Variants in PSMG2 observed in about 807,000 individuals in gnomAD.
The protein encoded by PSMG2 is CD40 ligand-activated specific transcript 3.
In PSMG2, 21 loss-of-function variants were observed where a neutral mutation model predicts 31.5. The observed-to-expected ratio is 0.67, with a 90% CI of 0.47 to 0.96. The LOEUF (loss-of-function observed/expected upper bound fraction) is 0.96, where lower values mean the gene tolerates loss of function less well. PSMG2 is among the 40% of genes least tolerant of loss of function. The probability of loss-of-function intolerance (pLI) is 0.00; values close to 1 mark genes in which losing one functional copy is unlikely to be tolerated. For missense variants in PSMG2, 318 were observed against 321.2 expected (o/e 0.99, Z 0.08); for synonymous variants, 120 against 110.4 (o/e 1.09, Z -0.54).
At chr18:12,658,777 A>T in intron 1 of PSMG2, 1 of 335,390 alleles carries the variant, frequency 3.0e-6, no homozygotes, top group South Asian at 2.2e-5. Context: ...CTTCAGGGTA[A>T]GCACCGTAAA....
chr18:12,680,252 G>A lies in PSMG2; in HGVS notation c.-37+21479G>A, dbSNP rs558515981. Among the ~76,000 whole-genome samples, 11 of 152,020 alleles carry A rather than the reference G, an allele frequency of 7.2e-5. No homozygotes were observed. The South Asian group carries it at 2.3e-3, about 32-fold the overall frequency. On this transcript the variant is annotated intron_variant, in intron 1 of 6. Coordinates refer to the PSMG2 transcript ENST00000585331. ...AGGCTCTAACTAAAATCATCAACAC[G>A]TACCTTCAAGTACCATCAATATGGA...
At chr18:12,678,575 T>C (rs1046697939) in intron 1 of PSMG2, 8 of 609,650 alleles carry the variant, frequency 1.3e-5, no homozygotes, top group Non-Finnish European at 2.2e-5. Flanking sequence ...TTTTTCTTTT[T>C]TATATTTCCA....
intron 1 of PSMG2, among the ~76,000 whole-genome samples, chr18:12,664,858 C>T (rs2038772835): frequency 6.6e-6 from 1 of 150,960 alleles, no homozygotes; most frequent in South Asian, 2.1e-4. Flanking sequence ...GTCACCATGC[C>T]CAGCTAACTT....
At chr18:12,701,695 G>A (rs370763802), upstream of PSMG2, among the ~76,000 whole-genome samples, 87 of 152,222 alleles carry the variant, frequency 5.7e-4, no homozygotes, top group African/African-American at 1.8e-3. Context: ...AGAAACTGGA[G>A]GTTCTTCTGG....
At chr18:12,694,419 T>C (rs2039876739) in intron 1 of PSMG2, among the ~76,000 whole-genome samples, 1 of 152,022 alleles carries the variant, frequency 6.6e-6, no homozygotes, top group Non-Finnish European at 1.5e-5. Context: ...AACTAAAGAC[T>C]GGCAAGAACT....
Position 12,725,535 on chromosome 18 carries a change from A to G in PSMG2, c.*4A>G. 1.9e-6 allele frequency: 3 copies of G among 1,571,950 alleles called. No individual in the cohort carries two copies. Among genetic ancestry groups the G allele is most frequent in the Non-Finnish European group, 2.6e-6 (3 of 1,143,118 alleles). ...TCTTCCCCCTGCACTTTTCTGATCT[A>G]ATTTCTGTTTTATACCTTATACCCA... On this transcript the variant is annotated 3_prime_UTR_variant, in exon 7 of 7. Transcript: ENST00000317615.
chr18:12,700,930 TC>T (rs772814209), upstream of PSMG2: 13 of 1,584,072 alleles, frequency 8.2e-6, no homozygotes, highest in South Asian at 1.2e-4. Context: ...ATATATACTC[TC>T]ATTTATTTCC....
chr18:12,703,013 C>T (rs1376249675), upstream of PSMG2: 3 of 1,421,758 alleles, frequency 2.1e-6, no homozygotes, highest in African/African-American at 2.9e-5. Flanking sequence ...CCTCCCGCGC[C>T]CCGCGAGGCT....
chr18:12,689,566 A>AG (rs2039672579), intron 1 of PSMG2, among the ~76,000 whole-genome samples: 1 of 149,006 alleles, frequency 6.7e-6, no homozygotes, highest in South Asian at 2.1e-4. Context: ...ATTCTGAGAG[A>AG]GGAAGTCGTT....
intron 1 of PSMG2, among the ~76,000 whole-genome samples, chr18:12,665,921 G>A (rs555112579): frequency 2.0e-5 from 3 of 151,984 alleles, no homozygotes; most frequent in African/African-American, 4.8e-5. Flanking sequence ...GGTCTTGAAC[G>A]CCTGACCCCG....
chr18:12,717,824 T>C (rs1421653647), intron 3 of PSMG2, among the ~76,000 whole-genome samples: 1 of 152,164 alleles, frequency 6.6e-6, no homozygotes, highest in Non-Finnish European at 1.5e-5. Context: ...TCTGATTGTT[T>C]CCATGTGACC....
intron 1 of PSMG2, among the ~76,000 whole-genome samples, chr18:12,659,543 G>C (rs2011579): frequency 0.23 from 34,933 of 151,988 alleles, 4,869 homozygotes; most frequent in Non-Finnish European, 0.32. Flanking sequence ...GGTGACGCAC[G>C]CTTGTAATCC....
chr18:12,706,747 T>A, intron 2 of PSMG2, 26 bp downstream of exon 2: 2 of 1,564,830 alleles, frequency 1.3e-6, no homozygotes, highest in Non-Finnish European at 1.7e-6. Flanking sequence ...CCTTGTATTT[T>A]TCCACTACAA....
intron 1 of PSMG2, chr18:12,664,931 T>G (rs1055374074): frequency 6.6e-6 from 1 of 152,104 alleles, no homozygotes; most frequent in African/African-American, 2.4e-5. Flanking sequence ...ACTCCTGATC[T>G]CAAGTGATCC....
intron 1 of PSMG2, chr18:12,684,216 GCCTCAGCCT>G (rs1490045047): frequency 1.3e-5 from 2 of 151,960 alleles, no homozygotes; most frequent in Non-Finnish European, 2.9e-5. Context: ...TGATCCGCCC[GCCTCAGCCT>G]CCCAAAGTGC....
intron 1 of PSMG2, among the ~76,000 whole-genome samples, chr18:12,684,015 G>A (rs920937456): frequency 2.0e-5 from 3 of 149,978 alleles, no homozygotes; most frequent in South Asian, 2.1e-4. Flanking sequence ...TCATATATAT[G>A]ATATCATATA....
chr18:12,674,894 A>G, intron 1 of PSMG2: 1 of 502,786 alleles, frequency 2.0e-6, no homozygotes, highest in Non-Finnish European at 3.4e-6. Flanking sequence ...TAATAATTAT[A>G]GGGATACATA....
At chr18:12,690,695 T>C (rs1777746831) in intron 1 of PSMG2, among the ~76,000 whole-genome samples, 1 of 152,218 alleles carries the variant, frequency 6.6e-6, no homozygotes, top group Admixed American at 6.5e-5. Context: ...GACCTCTTGA[T>C]CCACCCACCT....
chr18:12,675,426 AAG>A (rs1366491637), intron 1 of PSMG2, among the ~76,000 whole-genome samples: 1 of 152,070 alleles, frequency 6.6e-6, no homozygotes, highest in Non-Finnish European at 1.5e-5. Flanking sequence ...ATAAATAAAA[AAG>A]AGTTTAGTAA....
Sources: gnomAD v4.1 joint callset for allele counts (sites outside exome capture counted in the v4.1 genomes callset) on GRCh38, gnomAD v4.1.1 for gene constraint, MANE v1.5 for transcripts, NCBI Gene and HGNC (gene_info 2026-07-23, HGNC 2026-07-21) for gene names.